POLA1: variants seen among roughly 807,000 people sequenced by gnomAD.
POLA1 encodes the protein DNA polymerase alpha 1, catalytic subunit.
A neutral mutation model predicts 124.0 loss-of-function variants in POLA1; 15 were observed. The observed-to-expected ratio is 0.12, with a 90% CI of 0.08 to 0.19. The LOEUF (loss-of-function observed/expected upper bound fraction) is 0.19. POLA1 is among the 10% of genes least tolerant of loss of function. The pLI is 1.00. For missense variants in POLA1, 886 were observed against 1,103.4 expected, an observed-to-expected ratio of 0.80 and a Z score of 2.79; for synonymous variants, 408 against 389.4, an observed-to-expected ratio of 1.05 and a Z score of -0.56.
chrX:24,781,647 A>T (rs774499927), intron 26 of POLA1, among the ~76,000 whole-genome samples: 15 of 111,824 alleles, frequency 1.3e-4, no homozygotes, highest in Non-Finnish European at 2.6e-4. Flanking sequence ...TGAGCTTTTT[A>T]AAAAACGAAC....
chrX:24,956,638 A>T (rs1320779231), intron 36 of POLA1, among the ~76,000 whole-genome samples: 1 of 111,662 alleles, frequency 9.0e-6, no homozygotes, highest in Non-Finnish European at 1.9e-5. Flanking sequence ...GTCCTACAAT[A>T]GAAATTTGTT....
intron 1 of POLA1, among the ~76,000 whole-genome samples, chrX:24,697,402 A>T (rs768575286): frequency 1.2e-4 from 14 of 112,076 alleles, no homozygotes; most frequent in Admixed American, 9.5e-4. Context: ...AGGCCTGTTC[A>T]CGATTTTTGA....
chrX:24,790,254 C>T (rs2045466315), intron 26 of POLA1, among the ~76,000 whole-genome samples: 2 of 111,895 alleles, frequency 1.8e-5, no homozygotes, highest in Non-Finnish European at 3.8e-5. Context: ...ACTATAGTTG[C>T]AGGAGGTTTA....
chrX:24,841,323 T>G (rs1328254452), intron 32 of POLA1, among the ~76,000 whole-genome samples: 1 of 112,412 alleles, frequency 8.9e-6, no homozygotes, highest in East Asian at 2.8e-4. Context: ...CAGTTTTAAT[T>G]GTGACTTTGA....
At chrX:24,856,236 A>G (rs925315843) in intron 34 of POLA1, among the ~76,000 whole-genome samples, 1 of 112,122 alleles carries the variant, frequency 8.9e-6, no homozygotes, top group African/African-American at 3.2e-5. Context: ...TCTGTCAACT[A>G]TGATATGTTC....
chrX:24,881,405 GAAC>G (rs2046999405), intron 34 of POLA1, among the ~76,000 whole-genome samples: 2 of 111,431 alleles, frequency 1.8e-5, no homozygotes, highest in Non-Finnish European at 3.8e-5. Context: ...TTGATCCCCT[GAAC>G]AACACTAATA....
chrX:24,845,455 G>A (rs893944448), intron 34 of POLA1, among the ~76,000 whole-genome samples: 2 of 111,863 alleles, frequency 1.8e-5, no homozygotes, highest in African/African-American at 3.2e-5. Context: ...AACGAAATCC[G>A]TTATTCGTTC....
intron 26 of POLA1, chrX:24,789,081 T>G (rs1465460676): frequency 8.3e-7 from 1 of 1,201,797 alleles, no homozygotes; most frequent in Non-Finnish European, 1.1e-6. Flanking sequence ...GTGTCGGCTG[T>G]ATCCGAGAGC....
In POLA1 at chrX:24,773,225, C is replaced by T. The variant is rs889342659; in HGVS notation, c.2964+24233C>T. Among the ~76,000 whole-genome samples, 6 of 112,257 alleles carry T rather than the reference C, an allele frequency of 5.3e-5. 1 individual carries two copies. Among genetic ancestry groups the T allele is most frequent in the Non-Finnish European group, 5.6e-5 (3 of 53,225 alleles). On this transcript the variant is annotated intron_variant, in intron 26 of 36. Coordinates refer to ENST00000379068, the MANE Select transcript of POLA1 (RefSeq NM_001330360.2). ...AATGTGAACTGAATGCAGATAGAATCAGGGATCTCTTGTTTGCAGAACAAC... is the reference window on the plus strand; with the variant it reads ...AATGTGAACTGAATGCAGATAGAATTAGGGATCTCTTGTTTGCAGAACAAC...
At chrX:24,768,717 A>G (rs754048461) in intron 26 of POLA1, among the ~76,000 whole-genome samples, 4 of 112,092 alleles carry the variant, frequency 3.6e-5, no homozygotes, top group Non-Finnish European at 7.5e-5. Context: ...ACAGTCTGAC[A>G]CAAAAGAGTG....
chrX:24,919,082 T>G (rs1209470570), intron 35 of POLA1, among the ~76,000 whole-genome samples: 1 of 111,894 alleles, frequency 8.9e-6, no homozygotes, highest in African/African-American at 3.3e-5. Flanking sequence ...CCCATTTAAT[T>G]AAGAAGTAGA....
At chrX:24,919,821 T>G (rs1396236627) in intron 35 of POLA1, among the ~76,000 whole-genome samples, 1 of 84,022 alleles carries the variant, frequency 1.2e-5, no homozygotes, top group Non-Finnish European at 2.2e-5. Context: ...TTTTTTTTTG[T>G]TTTTTTTTTT....
chrX:24,839,121 T>C (rs780251436), intron 32 of POLA1, among the ~76,000 whole-genome samples: 2 of 112,121 alleles, frequency 1.8e-5, no homozygotes, highest in African/African-American at 3.2e-5. Context: ...TTATAACTGC[T>C]CTCCCAAGAA....
chrX:24,992,919 A>G (rs939672922), intron 36 of POLA1, among the ~76,000 whole-genome samples: 11 of 112,741 alleles, frequency 9.8e-5, no homozygotes, highest in Non-Finnish European at 1.9e-4. Flanking sequence ...TCTAATCAAT[A>G]GAAATCAACT....
intron 32 of POLA1, among the ~76,000 whole-genome samples, chrX:24,832,926 C>T (rs2046286156): frequency 8.9e-6 from 1 of 111,736 alleles, no homozygotes; most frequent in Non-Finnish European, 1.9e-5. Flanking sequence ...TTATTTATTT[C>T]AGATGGTTTT....
At chrX:24,784,284 CTCGTGAT>C (rs1176945232) in intron 26 of POLA1, among the ~76,000 whole-genome samples, 1 of 109,488 alleles carries the variant, frequency 9.1e-6, no homozygotes, top group Non-Finnish European at 1.9e-5. Flanking sequence ...AACTCCTAAC[CTCGTGAT>C]TCGCCCACCT....
intron 36 of POLA1, among the ~76,000 whole-genome samples, chrX:24,945,943 G>A (rs1428158390): frequency 4.5e-5 from 5 of 111,627 alleles, no homozygotes; most frequent in African/African-American, 1.3e-4. Context: ...CTAGGGAAAA[G>A]TAAGCAAGAA....
intron 36 of POLA1, among the ~76,000 whole-genome samples, chrX:24,946,776 T>C (rs1261939401): frequency 2.7e-5 from 3 of 112,313 alleles, no homozygotes; most frequent in Non-Finnish European, 5.6e-5. Flanking sequence ...AACTTGCTCA[T>C]GATAGGAGCC....
chrX:24,716,810 T>G (rs976768963), intron 7 of POLA1, 74 bp from the exon 8 acceptor site: 17 of 561,834 alleles, frequency 3.0e-5, no homozygotes, highest in South Asian at 2.6e-4. Context: ...TGTCATTATC[T>G]TTGGTCAGGG....
Sources: gnomAD v4.1 joint callset for allele counts (sites outside exome capture counted in the v4.1 genomes callset) on GRCh38, gnomAD v4.1.1 for gene constraint, MANE v1.5 for transcripts, NCBI Gene and HGNC (gene_info 2026-07-23, HGNC 2026-07-21) for gene names.